Variants in TRIM23 observed in about 807,000 individuals in gnomAD.
The protein encoded by TRIM23 is E3 ubiquitin-protein ligase TRIM23.
A neutral mutation model predicts 71.0 loss-of-function variants in TRIM23; 27 were observed. That is an observed-to-expected ratio of 0.38 (90% CI 0.28 to 0.52). TRIM23 has a LOEUF of 0.52. TRIM23 is among the 20% of genes least tolerant of loss of function. The pLI is 0.84. For synonymous variants in TRIM23, 234 were observed against 238.0 expected (o/e 0.98, Z 0.16); for missense variants, 482 against 692.3 (o/e 0.70, Z 3.41).
At chr5:65,612,147 G>T (rs1057248151) in intron 3 of TRIM23, among the ~76,000 whole-genome samples, 9 of 152,042 alleles carry the variant, frequency 5.9e-5, no homozygotes, top group African/African-American at 2.2e-4. Context: ...ATTCATATTC[G>T]GTGCAAAGAT....
chr5:65,613,375 A>C (rs923306581), intron 3 of TRIM23, among the ~76,000 whole-genome samples: 3 of 152,240 alleles, frequency 2.0e-5, no homozygotes, highest in African/African-American at 7.2e-5. Context: ...AAGTGAAAGC[A>C]ATCCGACATT....
intron 2 of TRIM23, among the ~76,000 whole-genome samples, chr5:65,615,527 TA>T (rs11450546): frequency 6.9e-4 from 102 of 147,566 alleles, no homozygotes; most frequent in Admixed American, 1.0e-3. Context: ...TCCTGGCTCT[TA>T]AAAAAAAAAA....
chr5:65,611,701 C>T lies in TRIM23; in HGVS notation c.547G>A (p.Val183Met), dbSNP rs368696261. The change falls in exon 4 of 11, where the codon GTG (valine) becomes ATG (methionine). Residue 183 changes from valine to methionine, a missense_variant. By Grantham distance (21) the Val-to-Met change is conservative. Around this residue, in one of 2 missense-constraint regions of TRIM23, gnomAD observed 307 missense variants for 495.8 expected, o/e 0.62. Transcript: ENST00000231524. ...AAGCAAACAAACTCAATGGCATGCACCTGGTGCTGAGAGCACATAGTTTTC... is the reference window on the plus strand; with the variant it reads ...AAGCAAACAAACTCAATGGCATGCATCTGGTGCTGAGAGCACATAGTTTTC... ...HEKTMCSQHQVHAIEFVCLEE... is the reference protein window; with the variant it reads ...HEKTMCSQHQMHAIEFVCLEE... The T allele has an allele frequency of 2.1e-5, 34 of 1,614,068 alleles. No homozygotes were observed. The highest frequency in any genetic ancestry group is 2.9e-5 in the Non-Finnish European group (34 of 1,180,044).
At chr5:65,612,203 T>C (rs748935274) in intron 3 of TRIM23, among the ~76,000 whole-genome samples, 21 of 152,148 alleles carry the variant, frequency 1.4e-4, no homozygotes, top group Non-Finnish European at 2.5e-4. Context: ...AACTAAACCA[T>C]AGAGAAGTCA....
At chr5:65,597,646 T>C (rs1267209456) in intron 7 of TRIM23, among the ~76,000 whole-genome samples, 1 of 152,164 alleles carries the variant, frequency 6.6e-6, no homozygotes, top group Non-Finnish European at 1.5e-5. Context: ...TACCCACACA[T>C]TGAAACTAAT....
chr5:65,605,712 A>G (rs147111306), intron 6 of TRIM23, among the ~76,000 whole-genome samples: 3 of 152,124 alleles, frequency 2.0e-5, no homozygotes, highest in African/African-American at 4.8e-5. Flanking sequence ...ATTCCAGACT[A>G]TCTATACATA....
At position 65,624,263 on chromosome 5, in the gene TRIM23, C is replaced by G. The variant is rs774234550; in HGVS notation, c.12G>C (p.Leu4=). 1.9e-6 allele frequency: 3 copies of G among 1,614,058 alleles called. No individual in the cohort carries two copies. The highest frequency in any genetic ancestry group is 2.5e-6 in the Non-Finnish European group (3 of 1,180,042). The change falls in exon 1 of 11, where the codon CTG becomes CTC. Residue 4 remains leucine (L), a synonymous_variant. Coordinates refer to ENST00000231524, the MANE Select transcript of TRIM23 (RefSeq NM_001656.4). ...CTCCCGCTCCGAGCTTGTTTACAAC[C>G]AGGGTAGCCATCCTCGCAGGGGAAG... The part of the protein sequence containing the change: MAT[L]VVNKLGAGVD...
At chr5:65,601,449 G>A (rs1754362914) in intron 7 of TRIM23, among the ~76,000 whole-genome samples, 1 of 152,124 alleles carries the variant, frequency 6.6e-6, no homozygotes, top group Non-Finnish European at 1.5e-5. Flanking sequence ...AGAAAAATGA[G>A]GAAGAAGCAA....
chr5:65,614,024 T>A (rs1754718174), intron 3 of TRIM23, 74 bp downstream of exon 3: 2 of 1,581,128 alleles, frequency 1.3e-6, no homozygotes, highest in South Asian at 2.3e-5. Flanking sequence ...TGAAGTAATA[T>A]TGTGCTAATA....
chr5:65,617,395 C>G (rs1754803380), intron 2 of TRIM23, among the ~76,000 whole-genome samples: 2 of 152,064 alleles, frequency 1.3e-5, no homozygotes, highest in Admixed American at 1.3e-4. Context: ...GATAGTGCAA[C>G]TGACCTGGAA....
intron 9 of TRIM23, among the ~76,000 whole-genome samples, chr5:65,595,741 T>C (rs1217178279): frequency 6.6e-6 from 1 of 151,806 alleles, no homozygotes; most frequent in Non-Finnish European, 1.5e-5. Flanking sequence ...AAAAATACAT[T>C]TTTTCTATTA....
chr5:65,613,676 G>A, intron 3 of TRIM23: 1 of 1,134,798 alleles, frequency 8.8e-7, no homozygotes, highest in African/African-American at 1.6e-5. Context: ...TCCCTCAGAA[G>A]TTACTGCTAT....
chr5:65,602,140 G>T (rs935555110), intron 7 of TRIM23, among the ~76,000 whole-genome samples: 1 of 152,160 alleles, frequency 6.6e-6, no homozygotes, highest in Non-Finnish European at 1.5e-5. Context: ...GCACAATCAG[G>T]ATGCAAATTT....
Position 65,609,429 on chromosome 5 carries a change from T to C in TRIM23, c.858A>G (p.Ser286=), listed in dbSNP as rs17240173. Residue 286 remains serine (S), a synonymous_variant, in exon 6 of 11, where the codon TCA becomes TCG. Coordinates refer to ENST00000231524, the MANE Select transcript of TRIM23 (RefSeq NM_001656.4). ...HVPGTAENAR[S]CIRAYFYDLH... ...GATCATAAAAATAAGCTCGAATACA[T>C]GACCGGGCATTCTCTGCAGTCCCTG... 24,384 of 1,614,062 alleles carry C rather than the reference T, an allele frequency of 0.015. 219 individuals carry two copies. The highest frequency in any genetic ancestry group is 0.019 in the Non-Finnish European group (21,952 of 1,179,978).
At chr5:65,595,587 A>C (rs1220582045) in intron 9 of TRIM23, among the ~76,000 whole-genome samples, 1 of 151,062 alleles carries the variant, frequency 6.6e-6, no homozygotes, top group Non-Finnish European at 1.5e-5. Context: ...AATTAGCTGA[A>C]TGTGGTGGCA....
At chr5:65,602,281 A>C (rs1353674461) in intron 7 of TRIM23, among the ~76,000 whole-genome samples, 1 of 152,186 alleles carries the variant, frequency 6.6e-6, no homozygotes, top group Non-Finnish European at 1.5e-5. Flanking sequence ...TCAAGTTTGA[A>C]GTTCCACAAA....
rs1753994808 is a variant in TRIM23 at position 65,590,623 on chromosome 5, A to G, written c.*1146T>C. On this transcript the variant is annotated 3_prime_UTR_variant, in exon 11 of 11. Coordinates refer to ENST00000231524, the MANE Select transcript of TRIM23 (RefSeq NM_001656.4). Reference sequence around the variant, plus strand: ...ATAATATTCTTTAAAAATGAAAAACAGTAAAGAGCACACATTTTTATTTAC... The same window carrying G: ...ATAATATTCTTTAAAAATGAAAAACGGTAAAGAGCACACATTTTTATTTAC... 4.0e-6 allele frequency: 4 copies of G among 995,532 alleles called. No homozygotes were observed. Among genetic ancestry groups the G allele is most frequent in the Non-Finnish European group, 4.8e-6 (4 of 830,920 alleles). The allele number at this position is 995,532 out of a possible 1,614,324, so 61.7% of individuals were successfully genotyped here. A position where few individuals can be genotyped will look rare whatever the true frequency, so the allele number is the denominator to read the frequency against.
In TRIM23 at chr5:65,624,243, G is replaced by A. The variant is rs369169592; in HGVS notation, c.32C>T (p.Ala11Val). Residue 11 changes from alanine (A) to valine (V), a missense_variant, in exon 1 of 11, where the codon GCG becomes GTG. Around this residue, in one of 2 missense-constraint regions of TRIM23, gnomAD observed 175 missense variants for 196.5 expected, o/e 0.89. Transcript: ENST00000231524. Reference sequence around the variant, plus strand: ...GCCCTGCCGGCCACTGTCTACTCCCGCTCCGAGCTTGTTTACAACCAGGGT... The same window carrying A: ...GCCCTGCCGGCCACTGTCTACTCCCACTCCGAGCTTGTTTACAACCAGGGT... MATLVVNKLG[A>V]GVDSGRQGSR... 5.6e-6 allele frequency: 9 copies of A among 1,614,144 alleles called. No homozygotes were observed. In the African/African-American group the frequency reaches 1.2e-4, roughly 22 times the overall value.
intron 7 of TRIM23, among the ~76,000 whole-genome samples, chr5:65,599,540 A>T (rs1754306164): frequency 6.6e-6 from 1 of 152,228 alleles, no homozygotes; most frequent in African/African-American, 2.4e-5. Flanking sequence ...GCGTACACCT[A>T]ACCAAGATGG....
Sources: gnomAD v4.1 joint callset for allele counts (sites outside exome capture counted in the v4.1 genomes callset) on GRCh38, gnomAD v4.1.1 for gene constraint, gnomAD v4.1.1 regional missense constraint, MANE v1.5 for transcripts, NCBI Gene and HGNC (gene_info 2026-07-23, HGNC 2026-07-21) for gene names.